Variants in PTPRD observed in about 807,000 individuals in gnomAD.
PTPRD encodes the protein receptor-type tyrosine-protein phosphatase delta.
A neutral mutation model predicts 214.5 loss-of-function variants in PTPRD; 34 were observed. The observed-to-expected ratio is 0.16, with a 90% CI of 0.12 to 0.21. The LOEUF (loss-of-function observed/expected upper bound fraction) is 0.21, where lower values mean the gene tolerates loss of function less well. PTPRD is among the 10% of genes least tolerant of loss of function. The probability of loss-of-function intolerance (pLI) is 1.00; values close to 1 mark genes in which losing one functional copy is unlikely to be tolerated. For synonymous variants in PTPRD, 1,128 were observed against 845.7 expected (o/e 1.33, Z -5.79); for missense variants, 2,545 against 2,398.7 (o/e 1.06, Z -1.27).
At chr9:9,429,117 G>T (rs929319770) in intron 8 of PTPRD, among the ~76,000 whole-genome samples, 1 of 152,044 alleles carries the variant, frequency 6.6e-6, no homozygotes, top group Non-Finnish European at 1.5e-5. Context: ...TCCAGGAACT[G>T]GTTTTTTGAA....
chr9:10,411,854 C>G (rs1178799525), intron 2 of PTPRD, among the ~76,000 whole-genome samples: 2 of 151,602 alleles, frequency 1.3e-5, no homozygotes, highest in Non-Finnish European at 2.9e-5. Flanking sequence ...TATTAAATAT[C>G]CCATATAATC....
intron 7 of PTPRD, among the ~76,000 whole-genome samples, chr9:9,719,728 G>A (rs1380873218): frequency 2.6e-5 from 4 of 152,224 alleles, no homozygotes; most frequent in Admixed American, 6.5e-5. Context: ...GGCTCCCCAT[G>A]TCAGGGCTGT....
intron 2 of PTPRD, among the ~76,000 whole-genome samples, chr9:10,567,878 T>C (rs1238204676): frequency 1.3e-5 from 2 of 151,650 alleles, no homozygotes; most frequent in East Asian, 3.9e-4. Context: ...ACAATCAATA[T>C]GATTTTTGCA....
At chr9:9,155,641 G>C (rs1158192213) in intron 10 of PTPRD, among the ~76,000 whole-genome samples, 1 of 152,082 alleles carries the variant, frequency 6.6e-6, no homozygotes, top group African/African-American at 2.4e-5. Flanking sequence ...TTCATCCTTG[G>C]AAGAAATCTT....
intron 5 of PTPRD, among the ~76,000 whole-genome samples, chr9:9,775,748 C>T (rs2098792850): frequency 6.6e-6 from 1 of 152,078 alleles, no homozygotes; most frequent in South Asian, 2.1e-4. Context: ...CTGAGACCAT[C>T]CTGGCTAACA....
chr9:9,634,975 G>A (rs965541068), intron 7 of PTPRD, among the ~76,000 whole-genome samples: 2 of 152,072 alleles, frequency 1.3e-5, no homozygotes, highest in African/African-American at 4.8e-5. Flanking sequence ...GATAAAATAA[G>A]GATATGTGAA....
intron 6 of PTPRD, among the ~76,000 whole-genome samples, chr9:9,753,297 A>G (rs1236921271): frequency 1.3e-5 from 2 of 151,930 alleles, no homozygotes; most frequent in African/African-American, 2.4e-5. Context: ...AAAACACTCA[A>G]TAACACCAAT....
chr9:9,953,526 A>G (rs1000532218), intron 4 of PTPRD, among the ~76,000 whole-genome samples: 1 of 151,454 alleles, frequency 6.6e-6, no homozygotes, highest in Non-Finnish European at 1.5e-5. Flanking sequence ...ACACACACAT[A>G]CATACACACT....
chr9:9,857,651 T>C (rs1350411658), intron 5 of PTPRD, among the ~76,000 whole-genome samples: 1 of 152,204 alleles, frequency 6.6e-6, no homozygotes, highest in Non-Finnish European at 1.5e-5. Context: ...AAATGCTTTC[T>C]GCCCATATTA....
intron 8 of PTPRD, among the ~76,000 whole-genome samples, chr9:9,532,697 C>A (rs1010937217): frequency 6.6e-6 from 1 of 152,098 alleles, no homozygotes; most frequent in Admixed American, 6.6e-5. Context: ...GTTTGAAACC[C>A]ATAACAGATG....
intron 3 of PTPRD, among the ~76,000 whole-genome samples, chr9:10,212,722 A>G (rs1241038876): frequency 6.6e-6 from 1 of 152,158 alleles, no homozygotes; most frequent in Non-Finnish European, 1.5e-5. Flanking sequence ...AAAAAATTTT[A>G]CAATCTTGTT....
rs1046505019 is a variant in PTPRD at position 10,329,668 on chromosome 9, G to T, written c.-545+11295C>A. Among the ~76,000 whole-genome samples the T allele has an allele frequency of 4.7e-4, 71 of 151,850 alleles. 1 individual carries two copies. The highest frequency in any genetic ancestry group is 2.0e-4 in the East Asian group (1 of 5,124). ...ACAAGTATACTTTTCTTATATAAAG[G>T]TTGGAAAAATAGAACGTGTGAAATA... On this transcript the variant is annotated intron_variant, in intron 3 of 45. Coordinates refer to ENST00000381196, the MANE Select transcript of PTPRD (RefSeq NM_002839.4).
intron 11 of PTPRD, chr9:8,859,894 G>C (rs1415743922): frequency 6.6e-6 from 1 of 151,784 alleles, no homozygotes; most frequent in Non-Finnish European, 1.5e-5. Flanking sequence ...AAATCAGGAA[G>C]AAATCAATTC....
chr9:9,920,786 T>C (rs1405250819), intron 5 of PTPRD, among the ~76,000 whole-genome samples: 1 of 152,144 alleles, frequency 6.6e-6, no homozygotes, highest in Admixed American at 6.6e-5. Flanking sequence ...CCAGAAAATG[T>C]AGATGCCAGC....
At chr9:8,325,588 A>T (rs1003094086) in intron 44 of PTPRD, among the ~76,000 whole-genome samples, 3 of 149,510 alleles carry the variant, frequency 2.0e-5, no homozygotes, top group Non-Finnish European at 3.0e-5. Flanking sequence ...GTTCCATGTC[A>T]AATTTAAAGT....
chr9:10,263,471 T>G (rs1258578394), intron 3 of PTPRD, among the ~76,000 whole-genome samples: 1 of 152,056 alleles, frequency 6.6e-6, no homozygotes, highest in Non-Finnish European at 1.5e-5. Context: ...CAGATGGAGA[T>G]GAGGAACTTG....
chr9:10,378,420 T>G (rs989165621), intron 2 of PTPRD, among the ~76,000 whole-genome samples: 3 of 152,018 alleles, frequency 2.0e-5, no homozygotes, highest in African/African-American at 7.2e-5. Context: ...CCACAATGTT[T>G]AATTGTAGTA....
intron 3 of PTPRD, among the ~76,000 whole-genome samples, chr9:10,262,900 G>A (rs560284007): frequency 1.3e-5 from 2 of 152,244 alleles, no homozygotes; most frequent in East Asian, 1.9e-4. Flanking sequence ...TGTTGTGGGA[G>A]GGACCTGAGG....
intron 9 of PTPRD, among the ~76,000 whole-genome samples, chr9:9,196,019 A>G (rs1201677780): frequency 2.0e-5 from 3 of 152,164 alleles, no homozygotes; most frequent in Non-Finnish European, 4.4e-5. Context: ...AGTTTGGAGG[A>G]TAGTCCTCTG....
Sources: gnomAD v4.1 joint callset for allele counts (sites outside exome capture counted in the v4.1 genomes callset) on GRCh38, gnomAD v4.1.1 for gene constraint, MANE v1.5 for transcripts, NCBI Gene and HGNC (gene_info 2026-07-23, HGNC 2026-07-21) for gene names.